The following ANO1 variants were observed in gnomAD, a reference collection of about 807,000 sequenced individuals.
The protein encoded by ANO1 is anoctamin-1.
Under a neutral mutation model 124.0 loss-of-function variants are expected in ANO1, and 59 were observed. The observed-to-expected ratio is 0.48, with a 90% CI of 0.39 to 0.59. The LOEUF (loss-of-function observed/expected upper bound fraction) is 0.59. Ranked by LOEUF, ANO1 falls within the 20% of genes least tolerant of loss-of-function variation. The pLI, the probability that ANO1 is intolerant of heterozygous loss-of-function variation, is 0.00. For synonymous variants in ANO1, 529 were observed against 532.0 expected (o/e 0.99, Z 0.08); for missense variants, 1,059 against 1,328.0 (o/e 0.80, Z 3.15).
chr11:70,149,538 C>G, intron 11 of ANO1, 172 bp from the exon 12 acceptor site: 1 of 610,576 alleles, frequency 1.6e-6, no homozygotes. Context: ...GTAATCCCAG[C>G]TACTCGGGAG....
chr11:70,056,287 C>T (rs1555006854), intron 1 of ANO1: 1 of 152,080 alleles, frequency 6.6e-6, no homozygotes, highest in East Asian at 1.9e-4. Flanking sequence ...TCTCTAGATA[C>T]AGAACCCTAG....
intron 25 of ANO1, among the ~76,000 whole-genome samples, chr11:70,186,697 T>G (rs1457523145): frequency 6.6e-6 from 1 of 152,154 alleles, no homozygotes; most frequent in African/African-American, 2.4e-5. Flanking sequence ...GCCAAGATTC[T>G]GCTCGCAGGT....
chr11:70,047,344 C>A (rs1000208050), intron 1 of ANO1, among the ~76,000 whole-genome samples: 1 of 151,820 alleles, frequency 6.6e-6, no homozygotes, highest in Admixed American at 6.6e-5. Flanking sequence ...AAGTATTCTA[C>A]AAAAATAATT....
rs896548103 is a variant in ANO1 at position 70,139,377 on chromosome 11, G to A, written c.1258+7298G>A. ...TCACTCTTGTTGTCCAGGCTGGAGTGCAGTGGCGCGATCTCAGCTCACTAC... is the reference window on the plus strand; with the variant it reads ...TCACTCTTGTTGTCCAGGCTGGAGTACAGTGGCGCGATCTCAGCTCACTAC... On this transcript the variant is annotated intron_variant, in intron 11 of 25. Coordinates refer to ENST00000355303, the MANE Select transcript of ANO1 (RefSeq NM_018043.7). Among the ~76,000 whole-genome samples the A allele has an allele frequency of 1.6e-4, 25 of 152,014 alleles. No homozygotes were observed. In the East Asian group the frequency reaches 2.5e-3, roughly 15 times the overall value.
the ANO1 span, among the ~76,000 whole-genome samples, chr11:69,966,509 G>A: frequency 2.6e-5 from 4 of 152,324 alleles, no homozygotes; most frequent in South Asian, 2.1e-4. Flanking sequence ...GTGCTGCGTC[G>A]CCGGGTGGGG....
At chr11:70,078,737 C>G (rs1388899054) in intron 1 of ANO1, 23 bp downstream of exon 1, 4 of 1,425,888 alleles carry the variant, frequency 2.8e-6, no homozygotes, top group South Asian at 1.3e-5. Context: ...GGCCGCGACC[C>G]GGGCGGGAGG....
intron 19 of ANO1, among the ~76,000 whole-genome samples, chr11:70,164,000 T>TTTTTTTTTTTGAG (rs1565267322): frequency 6.6e-6 from 1 of 152,092 alleles, no homozygotes; most frequent in African/African-American, 2.4e-5. Flanking sequence ...CTTTTTTTTT[T>TTTTTTTTTTTGAG]ACTCGACATT....
At chr11:70,115,191 G>A (rs1226254443) in intron 7 of ANO1, among the ~76,000 whole-genome samples, 1 of 152,076 alleles carries the variant, frequency 6.6e-6, no homozygotes, top group South Asian at 2.1e-4. Flanking sequence ...TTGCTTGCTT[G>A]AGTGTGTGGT....
chr11:70,165,920 T>A (rs1405874921), intron 20 of ANO1, among the ~76,000 whole-genome samples: 1 of 152,160 alleles, frequency 6.6e-6, no homozygotes, highest in Non-Finnish European at 1.5e-5. Context: ...CTCAGGAGGC[T>A]GAGGCGGGAG....
In ANO1 at chr11:70,010,215, A is replaced by G. The variant is rs576753823; in HGVS notation, c.58+24049A>G. ...TATATATATCACATTTTCTTTATCC[A>G]CTCATCAGTTGATGGGCATTTAGGC... On this transcript the variant is annotated intron_variant, in intron 1 of 27. Coordinates refer to the ANO1 transcript ENST00000531349. Among the ~76,000 whole-genome samples the G allele has an allele frequency of 3.7e-5, 5 of 136,634 alleles. No individual in the cohort carries two copies. The South Asian group carries it at 1.2e-3, about 34-fold the overall frequency. 89.6% of individuals were successfully genotyped at this position (136,634 alleles called of 152,430 possible). A position where few individuals can be genotyped will look rare whatever the true frequency, so the allele number is the denominator to read the frequency against.
At chr11:69,981,606 G>T (rs1855960376), upstream of ANO1, among the ~76,000 whole-genome samples, 1 of 152,208 alleles carries the variant, frequency 6.6e-6, no homozygotes, top group African/African-American at 2.4e-5. Flanking sequence ...GCTGCTGGGA[G>T]CCCCTGGTAT....
intron 5 of ANO1, 127 bp from the exon 6 acceptor site, chr11:70,108,226 G>A (rs1415914335): frequency 4.8e-6 from 4 of 830,656 alleles, no homozygotes; most frequent in Non-Finnish European, 7.5e-6. Context: ...TCTTTCCTTG[G>A]AAGATAGCAC....
At chr11:70,068,024 T>C (rs1431721919) in intron 1 of ANO1, among the ~76,000 whole-genome samples, 1 of 152,178 alleles carries the variant, frequency 6.6e-6, no homozygotes, top group Non-Finnish European at 1.5e-5. Flanking sequence ...ATTGCCCCTG[T>C]GGAGGGGACA....
intron 1 of ANO1, among the ~76,000 whole-genome samples, chr11:70,032,536 G>A (rs1020099265): frequency 2.7e-5 from 2 of 74,722 alleles, no homozygotes; most frequent in East Asian, 6.5e-4. Context: ...AGGCGGGAGA[G>A]GGGGGGGGTC....
Position 70,087,732 on chromosome 11 carries a change from G to T in ANO1, c.109-20G>T. 6.4e-7 allele frequency: 1 copy of T among 1,562,108 alleles called. No individual in the cohort carries two copies. The highest frequency in any genetic ancestry group is 8.7e-7 in the Non-Finnish European group (1 of 1,151,290). On this transcript the variant is annotated intron_variant, in intron 1 of 25. Coordinates refer to ENST00000355303, the MANE Select transcript of ANO1 (RefSeq NM_018043.7). ...ACGAGCAGCTCGATGGTGAATGGGT[G>T]TCTTTTCTTCCACCCTTAGCTGCTG...
intron 1 of ANO1, among the ~76,000 whole-genome samples, chr11:70,035,313 G>GAGC (rs1461704844): frequency 1.3e-5 from 2 of 152,192 alleles, no homozygotes; most frequent in African/African-American, 4.8e-5. Context: ...CTCAGCAGCT[G>GAGC]AGCGTGTGGA....
chr11:70,101,956 C>T lies in ANO1; in HGVS notation c.442-1110C>T, dbSNP rs559732440. ...GGCTCAGGGAGACTCGGCACTGTTT[C>T]CCTTCTCGTTGCGTCAGCACCCTGG... is the stretch of plus-strand genomic sequence containing the variant. On this transcript the variant is annotated intron_variant, in intron 2 of 25. Coordinates refer to ENST00000355303, the MANE Select transcript of ANO1 (RefSeq NM_018043.7). Among the ~76,000 whole-genome samples, 119 of 152,340 alleles carry T rather than the reference C, an allele frequency of 7.8e-4. 3 individuals carry two copies. In the East Asian group the frequency reaches 8.5e-3, roughly 11 times the overall value.
Position 70,155,903 on chromosome 11 carries a change from C to A in ANO1, c.1426-8C>A, listed in dbSNP as rs370794221. On this transcript the variant is annotated splice_region_variant and splice_polypyrimidine_tract_variant and intron_variant, in intron 14 of 25. Coordinates refer to ENST00000355303, the MANE Select transcript of ANO1 (RefSeq NM_018043.7). ...GCACGGTGCTCTCTTTCCCCCACCC[C>A]CCCTCAGAAGCGCCGGCATATTCCA... 1.2e-5 allele frequency: 18 copies of A among 1,541,406 alleles called. No homozygotes were observed. The South Asian group carries it at 1.7e-4, about 15-fold the overall frequency.
chr11:70,069,903 G>A (rs1010300043), intron 1 of ANO1, among the ~76,000 whole-genome samples: 1 of 152,110 alleles, frequency 6.6e-6, no homozygotes, highest in South Asian at 2.1e-4. Flanking sequence ...TTAACCCTTT[G>A]GGGATGAGTT....
Sources: allele counts gnomAD v4.1 joint callset (sites outside exome capture counted in the v4.1 genomes callset), GRCh38; gene constraint gnomAD v4.1.1; transcripts MANE v1.5; gene names NCBI Gene and HGNC (gene_info 2026-07-23, HGNC 2026-07-21).